EBF3: variants seen among roughly 807,000 people sequenced by gnomAD.
The protein encoded by EBF3 is EBF transcription factor 3.
Under a neutral mutation model 77.1 loss-of-function variants are expected in EBF3, and 18 were observed. The ratio of observed to expected loss-of-function variants is 0.23; its 90% CI spans 0.16 to 0.35. EBF3 has a LOEUF of 0.35. EBF3 is among the 10% of genes least tolerant of loss of function. The pLI, the probability that EBF3 is intolerant of heterozygous loss-of-function variation, is 1.00. For synonymous variants in EBF3, 350 were observed against 343.5 expected, an observed-to-expected ratio of 1.02 and a Z score of -0.21; for missense variants, 558 against 860.0, an observed-to-expected ratio of 0.65 and a Z score of 4.39.
intron 9 of EBF3, 33 bp downstream of exon 9, chr10:129,867,749 A>T: frequency 6.2e-7 from 1 of 1,611,432 alleles, no homozygotes; most frequent in Non-Finnish European, 8.5e-7. Context: ...GAAGACAGCA[A>T]CAGCGCGAAG....
In EBF3 at chr10:129,842,728, C is replaced by A. The variant is rs1435644953; in HGVS notation, c.1194+409G>T. ...GCAGTGAACCGACACTGCCCTACTG[C>A]ACTCCAGCCTGGGTGACAGAGCAAG... On this transcript the variant is annotated intron_variant, in intron 12 of 16. Coordinates refer to ENST00000440978, the MANE Select transcript of EBF3 (RefSeq NM_001375380.1). The surrounding 1 kb of genome is among the most constrained non-coding windows in gnomAD (Gnocchi z 4.4). 6.7e-6 allele frequency among the ~76,000 whole-genome samples: 1 copy of A among 149,612 alleles called. No homozygotes were observed. The highest frequency in any genetic ancestry group is 1.5e-5 in the Non-Finnish European group (1 of 67,736).
rs1008034340 is a variant in EBF3, at chr10:129,841,218, G to A, written c.1373-186C>T. Among the ~76,000 whole-genome samples, 12 of 152,144 alleles carry A rather than the reference G, an allele frequency of 7.9e-5. No homozygotes were observed. The highest frequency in any genetic ancestry group is 1.3e-4 in the Admixed American group (2 of 15,266). On this transcript the variant is annotated intron_variant, in intron 13 of 16. Coordinates refer to ENST00000440978, the MANE Select transcript of EBF3 (RefSeq NM_001375380.1). The surrounding 1 kb of genome is among the most constrained non-coding windows in gnomAD (Gnocchi z 4.6). Reference sequence around the variant, plus strand: ...CCAACCCTGCTGCCACTGTCTCACCGTGAGCCCCATCCTGTCTCTGCTGGC... The same window carrying A: ...CCAACCCTGCTGCCACTGTCTCACCATGAGCCCCATCCTGTCTCTGCTGGC...
intron 11 of EBF3, among the ~76,000 whole-genome samples, chr10:129,847,754 C>T (rs940973052): frequency 6.6e-6 from 1 of 152,140 alleles, no homozygotes; most frequent in African/African-American, 2.4e-5. Flanking sequence ...AAATTATAAG[C>T]TTGACTTGTC....
At position 129,837,966 on chromosome 10, in the gene EBF3, A is replaced by G. The variant is rs1849713892; in HGVS notation, c.1873-6T>C. 2.5e-6 allele frequency: 4 copies of G among 1,613,968 alleles called. No individual in the cohort carries two copies. The highest frequency in any genetic ancestry group is 1.3e-5 in the African/African-American group (1 of 74,948). ...GACTACCAGCCCAGACATAGCTGCA[A>G]GACAGAAGGACAGAGCAGTTACTGC... is the stretch of plus-strand genomic sequence containing the variant. On this transcript the variant is annotated splice_polypyrimidine_tract_variant and splice_region_variant and intron_variant, in intron 16 of 16. Transcript: ENST00000440978.
rs1045191161 is a variant in EBF3 at position 129,897,566 on chromosome 10, C to T, written c.555-19717G>A. Among the ~76,000 whole-genome samples, 2 of 152,078 alleles carry T rather than the reference C, an allele frequency of 1.3e-5. No individual in the cohort carries two copies. Among genetic ancestry groups the T allele is most frequent in the Admixed American group, 6.5e-5 (1 of 15,274 alleles). On this transcript the variant is annotated intron_variant, in intron 6 of 16. Coordinates refer to ENST00000440978, the MANE Select transcript of EBF3 (RefSeq NM_001375380.1). The surrounding 1 kb of genome is among the most constrained non-coding windows in gnomAD (Gnocchi z 4.6). ...GAAAATACAGAGGAAACCCAGCACA[C>T]GACCCTTTTATCCGAGAGGCGAAGC...
intron 6 of EBF3, among the ~76,000 whole-genome samples, chr10:129,891,886 G>A (rs1187535642): frequency 6.6e-6 from 1 of 152,222 alleles, no homozygotes; most frequent in Non-Finnish European, 1.5e-5. Context: ...ATATCTAAAA[G>A]TGACAGGAAG....
intron 10 of EBF3, among the ~76,000 whole-genome samples, chr10:129,850,992 G>A (rs547927384): frequency 9.2e-5 from 14 of 152,330 alleles, no homozygotes; most frequent in South Asian, 4.1e-4. Context: ...AGGGCAAGGC[G>A]CTGGCACGTC....
intron 6 of EBF3, among the ~76,000 whole-genome samples, chr10:129,910,031 G>C (rs1299663892): frequency 6.6e-6 from 1 of 152,236 alleles, no homozygotes; most frequent in Non-Finnish European, 1.5e-5. Flanking sequence ...CCAGCAGACA[G>C]TAAGCAACGC....
intron 16 of EBF3, among the ~76,000 whole-genome samples, chr10:129,838,462 G>A (rs1170108568): frequency 4.6e-5 from 7 of 152,302 alleles, no homozygotes; most frequent in East Asian, 1.9e-4. Flanking sequence ...GGCTCTGACC[G>A]TGCGGTCATC....
At chr10:129,896,713 G>A (rs1299402144) in intron 6 of EBF3, among the ~76,000 whole-genome samples, 1 of 152,206 alleles carries the variant, frequency 6.6e-6, no homozygotes, top group African/African-American at 2.4e-5. Flanking sequence ...TCCTCCTTAA[G>A]CATTCCCTTT....
intron 11 of EBF3, among the ~76,000 whole-genome samples, chr10:129,846,339 G>A (rs149093115): frequency 3.3e-5 from 5 of 151,928 alleles, no homozygotes; most frequent in East Asian, 3.9e-4. Flanking sequence ...ATCAAACCAC[G>A]TGCATTACGG....
chr10:129,962,354 C>T, intron 3 of EBF3, 128 bp from the exon 4 acceptor site: 1 of 780,772 alleles, frequency 1.3e-6, no homozygotes, highest in Non-Finnish European at 2.1e-6. Context: ...TAGGCAATCC[C>T]TTTGAAAGGG....
Position 129,835,836 on chromosome 10 carries a change from G to A in EBF3, c.*2107C>T, listed in dbSNP as rs1041629425. On this transcript the variant is annotated 3_prime_UTR_variant, in exon 17 of 17. Coordinates refer to ENST00000440978, the MANE Select transcript of EBF3 (RefSeq NM_001375380.1). The stretch of plus-strand genomic sequence containing the variant: ...GTGCCGTGTCTGCAAAGCACTTAGT[G>A]CAAAGGAGAAAGAAAAAAAAAAAAA... 6.7e-6 allele frequency: 1 copy of A among 148,854 alleles called. No individual in the cohort carries two copies. Among genetic ancestry groups the A allele is most frequent in the Non-Finnish European group, 1.5e-5 (1 of 67,526 alleles). 9.2% of individuals were successfully genotyped at this position (148,854 alleles called of 1,614,324 possible). A position where few individuals can be genotyped will look rare whatever the true frequency, so the allele number is the denominator to read the frequency against.
At chr10:129,950,081 G>C (rs1293086381) in intron 6 of EBF3, among the ~76,000 whole-genome samples, 2 of 151,700 alleles carry the variant, frequency 1.3e-5, no homozygotes, top group African/African-American at 2.4e-5. Context: ...TGCCTGTCTG[G>C]GCAAATGCAC....
chr10:129,845,310 G>C (rs1590048010), intron 11 of EBF3: 1 of 152,180 alleles, frequency 6.6e-6, no homozygotes, highest in Non-Finnish European at 1.5e-5. Flanking sequence ...CATTTCGATG[G>C]AAATTTCTTA....
intron 6 of EBF3, among the ~76,000 whole-genome samples, chr10:129,948,863 T>C (rs935077831): frequency 6.6e-6 from 1 of 152,178 alleles, no homozygotes; most frequent in African/African-American, 2.4e-5. Flanking sequence ...TCCCAGTCCT[T>C]CCTCCTGACT....
At chr10:129,924,745 T>C (rs1157334001) in intron 6 of EBF3, among the ~76,000 whole-genome samples, 1 of 152,190 alleles carries the variant, frequency 6.6e-6, no homozygotes, top group Non-Finnish European at 1.5e-5. Flanking sequence ...TGGCTCACTG[T>C]AGCCTCGACT....
At chr10:129,961,815 G>GA (rs1330861925) in intron 4 of EBF3, among the ~76,000 whole-genome samples, 5 of 151,856 alleles carry the variant, frequency 3.3e-5, no homozygotes, top group South Asian at 2.1e-4. Context: ...TTTGTTATAG[G>GA]AAAAAAAATC....
Position 129,836,995 on chromosome 10 carries a change from T to C in EBF3, c.*948A>G, listed in dbSNP as rs1314113296. The C allele has an allele frequency of 6.6e-6, 1 of 152,624 alleles. No individual in the cohort carries two copies. The highest frequency in any genetic ancestry group is 1.9e-4 in the East Asian group (1 of 5,196). The allele number at this position is 152,624 out of a possible 1,614,324, so 9.5% of individuals were successfully genotyped here. A position where few individuals can be genotyped will look rare whatever the true frequency, so the allele number is the denominator to read the frequency against. On this transcript the variant is annotated 3_prime_UTR_variant, in exon 17 of 17. Coordinates refer to ENST00000440978, the MANE Select transcript of EBF3 (RefSeq NM_001375380.1). ...CTGAAAAAAATTCAAGACAAGTGTA[T>C]AAATATTTAGCTACAACTTTGGCAA...
Sources: gnomAD v4.1 joint callset for allele counts (sites outside exome capture counted in the v4.1 genomes callset) on GRCh38, gnomAD v4.1.1 for gene constraint, Gnocchi (gnomAD v3.1) non-coding constraint, MANE v1.5 for transcripts, NCBI Gene and HGNC (gene_info 2026-07-23, HGNC 2026-07-21) for gene names.